PRR16: variants seen among roughly 807,000 people sequenced by gnomAD.
PRR16 encodes proline rich 16.
A neutral mutation model predicts 18.2 loss-of-function variants in PRR16; 6 were observed. The observed-to-expected ratio is 0.33, with a 90% CI of 0.18 to 0.65. The LOEUF (loss-of-function observed/expected upper bound fraction) is 0.65, where lower values mean the gene tolerates loss of function less well. Among genes scored for constraint, PRR16 ranks in the 30% least tolerant of loss-of-function variants. The pLI is 0.74. For missense variants in PRR16, 412 were observed against 376.6 expected (o/e 1.09, Z -0.78); for synonymous variants, 151 against 147.8 (o/e 1.02, Z -0.16).
At chr5:120,539,458 A>G (rs889679019) in intron 1 of PRR16, among the ~76,000 whole-genome samples, 4 of 152,102 alleles carry the variant, frequency 2.6e-5, no homozygotes, top group Admixed American at 2.0e-4. Flanking sequence ...CTAAATAATT[A>G]TTGAATAGCC....
chr5:120,591,927 C>T (rs1753648698), intron 1 of PRR16, among the ~76,000 whole-genome samples: 1 of 152,084 alleles, frequency 6.6e-6, no homozygotes, highest in Non-Finnish European at 1.5e-5. Flanking sequence ...AAGAGACATG[C>T]TGAAACAGTT....
intron 1 of PRR16, among the ~76,000 whole-genome samples, chr5:120,561,009 C>G (rs1436403666): frequency 2.0e-5 from 3 of 151,820 alleles, no homozygotes; most frequent in Admixed American, 6.6e-5. Context: ...TGTGTCTTCT[C>G]TCTTCATTCT....
intron 1 of PRR16, among the ~76,000 whole-genome samples, chr5:120,654,382 T>A (rs1402652303): frequency 6.6e-6 from 1 of 152,064 alleles, no homozygotes; most frequent in African/African-American, 2.4e-5. Flanking sequence ...GGAAACTAGA[T>A]AATGGACTTA....
At chr5:120,526,206 C>T (rs1751341072) in intron 1 of PRR16, among the ~76,000 whole-genome samples, 1 of 152,048 alleles carries the variant, frequency 6.6e-6, no homozygotes. Flanking sequence ...GTGGTCAGCT[C>T]CTTGTCATTA....
At chr5:120,779,820 G>C in the PRR16 span, among the ~76,000 whole-genome samples, 1 of 152,090 alleles carries the variant, frequency 6.6e-6, no homozygotes, top group Admixed American at 6.5e-5. Context: ...TCCTTCAGTT[G>C]TCAGAGATTG....
At chr5:120,754,014 A>C in the PRR16 span, among the ~76,000 whole-genome samples, 10 of 129,354 alleles carry the variant, frequency 7.7e-5, no homozygotes, top group African/African-American at 2.9e-4. Flanking sequence ...ATATTATATA[A>C]TATATAAAAG....
the PRR16 span, among the ~76,000 whole-genome samples, chr5:120,786,968 A>T: frequency 6.6e-6 from 1 of 152,142 alleles, no homozygotes; most frequent in South Asian, 2.1e-4. Context: ...ATTCCATCCA[A>T]AAAGTGAGTA....
intron 1 of PRR16, among the ~76,000 whole-genome samples, chr5:120,509,532 C>G (rs1750753701): frequency 6.6e-6 from 1 of 152,068 alleles, no homozygotes; most frequent in Non-Finnish European, 1.5e-5. Context: ...GAGAATTTAT[C>G]TATCCATTGC....
chr5:120,734,254 G>A, the PRR16 span, among the ~76,000 whole-genome samples: 8 of 152,194 alleles, frequency 5.3e-5, no homozygotes, highest in East Asian at 9.7e-4. Context: ...ATAAGGGGAA[G>A]TAGCTGAAGA....
At chr5:120,712,952 C>T in the PRR16 span, among the ~76,000 whole-genome samples, 1 of 151,990 alleles carries the variant, frequency 6.6e-6, no homozygotes, top group Non-Finnish European at 1.5e-5. Flanking sequence ...GGCCATATGA[C>T]CTAGCATATA....
At chr5:120,565,173 A>G (rs11241548) in intron 1 of PRR16, among the ~76,000 whole-genome samples, 30,488 of 151,722 alleles carry the variant, frequency 0.2, 4,002 homozygotes, top group East Asian at 0.69. Context: ...TTTTTAACCT[A>G]AGATTACTTA....
chr5:120,766,120 A>C, the PRR16 span, among the ~76,000 whole-genome samples: 1 of 152,026 alleles, frequency 6.6e-6, no homozygotes, highest in South Asian at 2.1e-4. Context: ...TATTATACAC[A>C]AAAAATGGAA....
chr5:120,670,838 G>A (rs1278785807), intron 1 of PRR16, among the ~76,000 whole-genome samples: 1 of 152,090 alleles, frequency 6.6e-6, no homozygotes, highest in Non-Finnish European at 1.5e-5. Flanking sequence ...ATAATATAAT[G>A]TAATCTCCCA....
chr5:120,577,959 G>A (rs1018466843), intron 1 of PRR16, among the ~76,000 whole-genome samples: 2 of 152,112 alleles, frequency 1.3e-5, no homozygotes, highest in Non-Finnish European at 2.9e-5. Flanking sequence ...CCAGAGATCA[G>A]ACTCAAGTGG....
chr5:120,591,757 T>C (rs1402336132), intron 1 of PRR16, among the ~76,000 whole-genome samples: 1 of 152,096 alleles, frequency 6.6e-6, no homozygotes, highest in Non-Finnish European at 1.5e-5. Context: ...TTCAGAATTA[T>C]AGCAATTGAT....
intron 1 of PRR16, among the ~76,000 whole-genome samples, chr5:120,676,438 G>A (rs1380721163): frequency 1.3e-5 from 2 of 151,858 alleles, no homozygotes; most frequent in African/African-American, 2.4e-5. Context: ...GTATAGCAGA[G>A]CAGAAAGTTA....
At chr5:120,723,848 C>G in the PRR16 span, among the ~76,000 whole-genome samples, 1 of 151,608 alleles carries the variant, frequency 6.6e-6, no homozygotes, top group Admixed American at 6.6e-5. Context: ...ACTTTATCTT[C>G]CAAAGTGGAA....
At chr5:120,775,500 T>A in the PRR16 span, among the ~76,000 whole-genome samples, 1 of 152,224 alleles carries the variant, frequency 6.6e-6, no homozygotes, top group Non-Finnish European at 1.5e-5. Context: ...CATTTTCTTT[T>A]AGTTGAAATA....
chr5:120,545,457 A>G (rs919714810), intron 1 of PRR16, among the ~76,000 whole-genome samples: 2 of 152,066 alleles, frequency 1.3e-5, no homozygotes, highest in Admixed American at 1.3e-4. Flanking sequence ...TGGCTTTTAT[A>G]ATGTCACAAA....
Sources: gnomAD v4.1 joint callset for allele counts (sites outside exome capture counted in the v4.1 genomes callset) on GRCh38, gnomAD v4.1.1 for gene constraint, MANE v1.5 for transcripts, NCBI Gene and HGNC (gene_info 2026-07-23, HGNC 2026-07-21) for gene names.